Variants in AGAP1 observed in about 807,000 individuals in gnomAD.
The protein encoded by AGAP1 is ArfGAP with GTPase domain, ankyrin repeat and PH domain 1.
Under a neutral mutation model 105.3 loss-of-function variants are expected in AGAP1, and 29 were observed. That is an observed-to-expected ratio of 0.28 (90% CI 0.21 to 0.38). AGAP1 has a LOEUF of 0.38. Ranked by LOEUF, AGAP1 falls within the 10% of genes least tolerant of loss-of-function variation. AGAP1 has a pLI of 1.00. For synonymous variants in AGAP1, 509 were observed against 485.9 expected (o/e 1.05, Z -0.63); for missense variants, 998 against 1,165.1 (o/e 0.86, Z 2.09).
At chr2:235,707,293 C>T (rs142602222) in intron 1 of AGAP1, among the ~76,000 whole-genome samples, 236 of 152,112 alleles carry the variant, frequency 1.6e-3, no homozygotes, top group Admixed American at 2.5e-3. Flanking sequence ...GCATGTTGTG[C>T]CCCGAAAGTC....
At chr2:235,597,219 C>T (rs1010839797) in intron 1 of AGAP1, among the ~76,000 whole-genome samples, 3 of 152,242 alleles carry the variant, frequency 2.0e-5, no homozygotes, top group East Asian at 1.9e-4. Context: ...CCTTGTTGCC[C>T]GCCTCCAGGG....
At chr2:235,713,821 C>T (rs1559385962) in intron 2 of AGAP1, among the ~76,000 whole-genome samples, 1 of 152,184 alleles carries the variant, frequency 6.6e-6, no homozygotes, top group Non-Finnish European at 1.5e-5. Context: ...AAGGCACCTG[C>T]AGATTTGATG....
intron 1 of AGAP1, among the ~76,000 whole-genome samples, chr2:235,697,585 C>T (rs556411082): frequency 7.2e-5 from 11 of 152,248 alleles, no homozygotes; most frequent in African/African-American, 2.6e-4. Flanking sequence ...CACGGACCCT[C>T]CCCCAACCAA....
intron 1 of AGAP1, chr2:235,671,112 C>T (rs923991468): frequency 2.4e-6 from 3 of 1,243,196 alleles, no homozygotes; most frequent in African/African-American, 1.6e-5. Flanking sequence ...GGGGACTTGC[C>T]GGTTCCGCAG....
chr2:235,670,516 C>G (rs916437232), intron 1 of AGAP1: 2 of 492,792 alleles, frequency 4.1e-6, no homozygotes, highest in South Asian at 2.9e-5. Context: ...CCGGCAGCCC[C>G]GACGTGGAGG....
In AGAP1 at chr2:235,859,767, C is replaced by T. The variant is rs570490058; in HGVS notation, c.1051-23578C>T. ...AGTTCTGAACTATTGTCTGAAAAGC[C>T]GTTGCCTGCCCTTCACAGCACTGTG... On this transcript the variant is annotated intron_variant, in intron 9 of 17. Coordinates refer to ENST00000304032, the MANE Select transcript of AGAP1 (RefSeq NM_001037131.3). Among the ~76,000 whole-genome samples, 10 of 152,260 alleles carry T rather than the reference C, an allele frequency of 6.6e-5. 1 individual carries two copies. The highest frequency in any genetic ancestry group is 1.9e-4 in the African/African-American group (8 of 41,550).
intron 9 of AGAP1, among the ~76,000 whole-genome samples, chr2:235,832,004 A>G (rs1959471920): frequency 6.6e-6 from 1 of 152,220 alleles, no homozygotes; most frequent in Non-Finnish European, 1.5e-5. Context: ...TGGCCATTCT[A>G]ATGTGTGTAT....
rs557211066 is a variant in AGAP1 at position 235,747,687 on chromosome 2, C to T, written c.539-2667C>T. On this transcript the variant is annotated intron_variant, in intron 5 of 17. Transcript: ENST00000304032. The surrounding 1 kb of genome is among the most constrained non-coding windows in gnomAD (Gnocchi z 5.0). ...ACGTGGGCTCTGAGGGTCCCTGCCGCGACGCTTGCTTCCTGCGTGCAGACT... is the reference window on the plus strand; with the variant it reads ...ACGTGGGCTCTGAGGGTCCCTGCCGTGACGCTTGCTTCCTGCGTGCAGACT... Among the ~76,000 whole-genome samples, 54 of 152,322 alleles carry T rather than the reference C, an allele frequency of 3.5e-4. No individual in the cohort carries two copies. The highest frequency in any genetic ancestry group is 8.3e-4 in the South Asian group (4 of 4,828).
chr2:235,752,112 TA>T lies in AGAP1; in HGVS notation c.673+1627del, dbSNP rs1953492805. 6.6e-6 allele frequency among the ~76,000 whole-genome samples: 1 copy of T among 152,184 alleles called. No individual in the cohort carries two copies. Among genetic ancestry groups the T allele is most frequent in the African/African-American group, 2.4e-5 (1 of 41,452 alleles). On this transcript the variant is annotated intron_variant, in intron 6 of 17. Coordinates refer to ENST00000304032, the MANE Select transcript of AGAP1 (RefSeq NM_001037131.3). The surrounding 1 kb of genome is among the most constrained non-coding windows in gnomAD (Gnocchi z 4.3). The stretch of plus-strand genomic sequence containing the variant: ...GCCGAGGCCCCTGTGAATGTTGAAG[TA>T]AAGCGTCGTAGATGAAGGGTCCCCA...
chr2:235,917,494 CTT>C (rs1480617316), intron 11 of AGAP1, among the ~76,000 whole-genome samples: 1 of 152,120 alleles, frequency 6.6e-6, no homozygotes, highest in Admixed American at 6.5e-5. Context: ...CTCTCCCTCT[CTT>C]TTTTTCCACT....
In AGAP1 at chr2:235,695,793, A is replaced by G. The variant is rs192239142; in HGVS notation, c.164-13386A>G. ...TATTCACAGGAGCATCTGAGCTCCAAGCCCAGGGAGCTGAGAGGGGTCACT... is the reference window on the plus strand; with the variant it reads ...TATTCACAGGAGCATCTGAGCTCCAGGCCCAGGGAGCTGAGAGGGGTCACT... On this transcript the variant is annotated intron_variant, in intron 1 of 17. Coordinates refer to ENST00000304032, the MANE Select transcript of AGAP1 (RefSeq NM_001037131.3). 4.6e-3 allele frequency among the ~76,000 whole-genome samples: 705 copies of G among 152,336 alleles called. 17 individuals are homozygous for G. Among genetic ancestry groups the G allele is most frequent in the Admixed American group, 0.039 (591 of 15,294 alleles).
In AGAP1 at chr2:235,964,444, A is replaced by G. The variant is rs2054307917; in HGVS notation, c.1484-4018A>G. The stretch of plus-strand genomic sequence containing the variant: ...ACCATACCTGGCAAAGTGGGCTCCT[A>G]ACACTGAATAGAGAGGATGGGATGG... On this transcript the variant is annotated intron_variant, in intron 12 of 17. Transcript: ENST00000304032. This position sits in a 1 kb window ranked among gnomAD's most constrained non-coding sequence, Gnocchi z 4.6. Among the ~76,000 whole-genome samples, 2 of 152,146 alleles carry G rather than the reference A, an allele frequency of 1.3e-5. No individual in the cohort carries two copies. The highest frequency in any genetic ancestry group is 2.4e-5 in the African/African-American group (1 of 41,506).
Position 235,882,523 on chromosome 2 carries a change from C to T in AGAP1, c.1051-822C>T, listed in dbSNP as rs1044991354. The T allele has an allele frequency of 2.3e-5, 30 of 1,311,478 alleles. No homozygotes were observed. The highest frequency in any genetic ancestry group is 2.7e-4 in the Middle Eastern group (1 of 3,768). The allele number at this position is 1,311,478 out of a possible 1,614,324, so 81.2% of individuals were successfully genotyped here. ...TTAAAACAATCGGTACCATCCGTGGCGGGCTCTTAGCTCACTGCAACACTC... is the reference window on the plus strand; with the variant it reads ...TTAAAACAATCGGTACCATCCGTGGTGGGCTCTTAGCTCACTGCAACACTC... On this transcript the variant is annotated intron_variant, in intron 9 of 17. Transcript: ENST00000304032. This position sits in a 1 kb window ranked among gnomAD's most constrained non-coding sequence, Gnocchi z 4.6.
intron 11 of AGAP1, among the ~76,000 whole-genome samples, chr2:235,909,344 A>C (rs1343255855): frequency 6.6e-6 from 1 of 152,208 alleles, no homozygotes; most frequent in African/African-American, 2.4e-5. Context: ...GTGTTGTTAT[A>C]TTTTAATTAT....
At chr2:235,570,050 T>G (rs1224726672) in intron 1 of AGAP1, among the ~76,000 whole-genome samples, 1 of 152,236 alleles carries the variant, frequency 6.6e-6, no homozygotes, top group Non-Finnish European at 1.5e-5. Flanking sequence ...TTCTCTCTGT[T>G]TCTTTCAGTT....
At chr2:235,767,042 T>C (rs557004270) in intron 6 of AGAP1, among the ~76,000 whole-genome samples, 7 of 151,856 alleles carry the variant, frequency 4.6e-5, no homozygotes, top group Non-Finnish European at 1.0e-4. Context: ...GCCTCCCAAG[T>C]ATCTAGGATT....
At chr2:235,780,441 G>C (rs1202443126) in intron 6 of AGAP1, among the ~76,000 whole-genome samples, 1 of 152,080 alleles carries the variant, frequency 6.6e-6, no homozygotes, top group Non-Finnish European at 1.5e-5. Context: ...TGTGATTCTT[G>C]GTGGTTTTTT....
chr2:235,654,726 CT>C (rs373457749), intron 1 of AGAP1, among the ~76,000 whole-genome samples: 337 of 151,442 alleles, frequency 2.2e-3, no homozygotes, highest in African/African-American at 7.5e-3. Flanking sequence ...TTCTAAGATC[CT>C]TTTTTTTTCT....
chr2:235,634,357 G>A (rs965545209), intron 1 of AGAP1, among the ~76,000 whole-genome samples: 2 of 152,240 alleles, frequency 1.3e-5, no homozygotes, highest in African/African-American at 2.4e-5. Context: ...TGATAATTAC[G>A]CACCCTGCAT....
Sources: gnomAD v4.1 joint callset for allele counts (sites outside exome capture counted in the v4.1 genomes callset) on GRCh38, gnomAD v4.1.1 for gene constraint, Gnocchi (gnomAD v3.1) non-coding constraint, MANE v1.5 for transcripts, NCBI Gene and HGNC (gene_info 2026-07-23, HGNC 2026-07-21) for gene names.